Variants in SLC35H1 observed in about 807,000 individuals in gnomAD.
The protein encoded by SLC35H1 is ovarian cancer-overexpressed gene 1 protein.
At chr20:46,354,467 A>G in the SLC35H1 span, among the ~76,000 whole-genome samples, 1 of 152,176 alleles carries the variant, frequency 6.6e-6, no homozygotes, top group African/African-American at 2.4e-5. Context: ...GGGCTGGACC[A>G]CTTGGAGCCA....
At chr20:46,348,146 T>C in the SLC35H1 span, 2 of 28,794 alleles carry the variant, frequency 6.9e-5, no homozygotes, top group East Asian at 1.7e-3. Context: ...CTGTCTGGCC[T>C]GGGAGGCCAG....
At chr20:46,346,787 G>C in the SLC35H1 span, 1 of 151,724 alleles carries the variant, frequency 6.6e-6, no homozygotes, top group Non-Finnish European at 1.5e-5. Flanking sequence ...TTGGGAAGCT[G>C]AGACAGGAGA....
chr20:46,350,248 G>C, the SLC35H1 span: 1 of 965,326 alleles, frequency 1.0e-6, no homozygotes, highest in Non-Finnish European at 1.5e-6. Context: ...AGGGGCAAAA[G>C]TCATGAGTCC....
chr20:46,352,560 G>GAT, the SLC35H1 span: 1 of 242,516 alleles, frequency 4.1e-6, no homozygotes, highest in Non-Finnish European at 8.1e-6. Flanking sequence ...GCGGGATGAT[G>GAT]GGGATCCTAG....
chr20:46,357,847 C>T, the SLC35H1 span: 14 of 1,552,304 alleles, frequency 9.0e-6, no homozygotes, highest in Admixed American at 5.3e-5. Context: ...TCTTCCTCTT[C>T]GCCCCTCTGC....
chr20:46,355,253 G>C, the SLC35H1 span: 4 of 1,608,600 alleles, frequency 2.5e-6, no homozygotes, highest in Non-Finnish European at 1.7e-6. This position sits in a 1 kb window ranked among gnomAD's most constrained non-coding sequence, Gnocchi z 4.8. Context: ...TGGTAGGATG[G>C]GGAGCAGTGG....
chr20:46,361,222 C>G, the SLC35H1 span, among the ~76,000 whole-genome samples: 3,564 of 152,318 alleles, frequency 0.023, 57 homozygotes, highest in Non-Finnish European at 0.034. Context: ...ACTTCCCATC[C>G]CAGCAAATGG....
At chr20:46,359,610 CG>C in the SLC35H1 span, among the ~76,000 whole-genome samples, 21 of 152,294 alleles carry the variant, frequency 1.4e-4, no homozygotes, top group African/African-American at 5.1e-4. Flanking sequence ...GCCTGCCTTA[CG>C]GTATTGCCAA....
the SLC35H1 span, chr20:46,352,223 A>G: frequency 1.9e-6 from 3 of 1,614,040 alleles, no homozygotes; most frequent in Non-Finnish European, 2.5e-6. Context: ...GGACAAATGG[A>G]GACCTGAAAG....
the SLC35H1 span, chr20:46,357,884 T>C: frequency 1.5e-5 from 18 of 1,200,090 alleles, no homozygotes; most frequent in Non-Finnish European, 1.7e-5. Context: ...CGGTGGTTCA[T>C]GAGGACCTTG....
the SLC35H1 span, among the ~76,000 whole-genome samples, chr20:46,359,170 T>C: frequency 6.6e-6 from 1 of 152,232 alleles, no homozygotes; most frequent in African/African-American, 2.4e-5. Context: ...CTTCCCGTTG[T>C]CTGAAGGAAA....
chr20:46,347,231 G>A, the SLC35H1 span: 3 of 152,208 alleles, frequency 2.0e-5, no homozygotes, highest in African/African-American at 2.4e-5. Flanking sequence ...CTCACTCTAC[G>A]GCGTCTGCAG....
chr20:46,355,140 C>T, the SLC35H1 span: 4 of 1,614,150 alleles, frequency 2.5e-6, no homozygotes, highest in South Asian at 4.4e-5. This position sits in a 1 kb window ranked among gnomAD's most constrained non-coding sequence, Gnocchi z 4.8. Flanking sequence ...ACGAGGCCCC[C>T]AGCACCAAGG....
the SLC35H1 span, chr20:46,352,549 A>G: frequency 3.8e-6 from 1 of 264,928 alleles, no homozygotes. Flanking sequence ...ATGGGATCCT[A>G]GCGGGATGAT....
At chr20:46,355,092 G>C in the SLC35H1 span, 1 of 1,614,142 alleles carries the variant, frequency 6.2e-7, no homozygotes, top group Non-Finnish European at 8.5e-7. This position sits in a 1 kb window ranked among gnomAD's most constrained non-coding sequence, Gnocchi z 4.8. Flanking sequence ...CCTTCTGCAG[G>C]AGCATCTGGG....
chr20:46,361,710 C>T, the SLC35H1 span, among the ~76,000 whole-genome samples: 1 of 152,200 alleles, frequency 6.6e-6, no homozygotes, highest in East Asian at 1.9e-4. Flanking sequence ...CAAGAAATGT[C>T]TCTAGACACT....
At chr20:46,360,456 T>C in the SLC35H1 span, among the ~76,000 whole-genome samples, 2 of 152,208 alleles carry the variant, frequency 1.3e-5, no homozygotes, top group African/African-American at 4.8e-5. Context: ...TCCAGCACTA[T>C]TGTGCCCAGA....
At chr20:46,358,177 C>T in the SLC35H1 span, among the ~76,000 whole-genome samples, 3 of 152,304 alleles carry the variant, frequency 2.0e-5, no homozygotes, top group East Asian at 5.8e-4. Flanking sequence ...TCCCTTCACA[C>T]CCCCCGCTCT....
the SLC35H1 span, among the ~76,000 whole-genome samples, chr20:46,354,291 C>T: frequency 6.6e-6 from 1 of 152,322 alleles, no homozygotes; most frequent in East Asian, 1.9e-4. Flanking sequence ...GGCTGAACCT[C>T]CTATTCCTAC....
Sources: allele counts gnomAD v4.1 joint callset (sites outside exome capture counted in the v4.1 genomes callset), GRCh38; gene constraint gnomAD v4.1.1; non-coding constraint Gnocchi (gnomAD v3.1); transcripts MANE v1.5; gene names NCBI Gene and HGNC (gene_info 2026-07-23, HGNC 2026-07-21).